The following SLC2A12 variants were observed in gnomAD, a reference collection of about 807,000 sequenced individuals.
The protein encoded by SLC2A12 is solute carrier family 2, facilitated glucose transporter member 12.
A neutral mutation model predicts 41.8 loss-of-function variants in SLC2A12; 23 were observed. The observed-to-expected ratio is 0.55, with a 90% CI of 0.40 to 0.78. The LOEUF (loss-of-function observed/expected upper bound fraction) is 0.78, where lower values mean the gene tolerates loss of function less well. Among genes scored for constraint, SLC2A12 ranks in the 30% least tolerant of loss-of-function variants. SLC2A12 has a pLI of 0.00. For missense variants in SLC2A12, 654 were observed against 745.6 expected, an observed-to-expected ratio of 0.88 and a Z score of 1.43; for synonymous variants, 295 against 285.9, an observed-to-expected ratio of 1.03 and a Z score of -0.32.
intron 2 of SLC2A12, among the ~76,000 whole-genome samples, chr6:134,018,026 C>T (rs1055221866): frequency 6.6e-6 from 1 of 151,988 alleles, no homozygotes; most frequent in Admixed American, 6.6e-5. Flanking sequence ...CTCAAAGCCA[C>T]AATCCGGTCT....
chr6:134,006,950 G>C lies in SLC2A12; in HGVS notation c.1445-16C>G. The C allele has an allele frequency of 6.2e-7, 1 of 1,613,868 alleles. No individual in the cohort carries two copies. The highest frequency in any genetic ancestry group is 8.5e-7 in the Non-Finnish European group (1 of 1,179,852). ...AGCCAGGGCACTAGAAGAAAGGCAA[G>C]AGTGGGTGGCGGACAGCACATTTAG... On this transcript the variant is annotated splice_polypyrimidine_tract_variant and intron_variant, in intron 2 of 4. Coordinates refer to ENST00000275230, the MANE Select transcript of SLC2A12 (RefSeq NM_145176.3).
chr6:134,029,548 C>G lies in SLC2A12; in HGVS notation c.277G>C (p.Ala93Pro), dbSNP rs189104286. 6.2e-7 allele frequency: 1 copy of G among 1,614,138 alleles called. No homozygotes were observed. The highest frequency in any genetic ancestry group is 1.7e-5 in the Admixed American group (1 of 60,010). ...ATCAGGACCCCTCCGGTGAGTGAGG[C>G]AAGGAGGGCTCCAATGACGAGGGAG... ...VSSLVIGALL[A>P]SLTGGVLIDR... Residue 93 changes from alanine to proline, a missense_variant, in exon 2 of 5, where the codon GCC (alanine) becomes CCC (proline). By Grantham distance (27) the Ala-to-Pro change is conservative. Around this residue, in one of 3 missense-constraint regions of SLC2A12, gnomAD observed 109 missense variants for 153.0 expected, o/e 0.71. Coordinates refer to ENST00000275230, the MANE Select transcript of SLC2A12 (RefSeq NM_145176.3).
Position 133,989,294 on chromosome 6 carries a change from G to C in SLC2A12, c.*1861C>G, listed in dbSNP as rs1378149158. The C allele has an allele frequency of 2.0e-5, 3 of 152,142 alleles. No individual in the cohort carries two copies. The highest frequency in any genetic ancestry group is 2.9e-5 in the Non-Finnish European group (2 of 67,992). 9.4% of individuals were successfully genotyped at this position (152,142 alleles called of 1,614,324 possible). On this transcript the variant is annotated 3_prime_UTR_variant, in exon 5 of 5. Transcript: ENST00000275230. ...AAGCTTGATTTGGTGTGGTGCAATG[G>C]ATATTGGATAAAAATTTGAAGACAA... is the stretch of plus-strand genomic sequence containing the variant.
At chr6:134,003,405 G>A (rs561131424) in intron 3 of SLC2A12, among the ~76,000 whole-genome samples, 18 of 152,232 alleles carry the variant, frequency 1.2e-4, no homozygotes, top group East Asian at 1.2e-3. Context: ...TCATCAAATT[G>A]TCCCCAGTTT....
At chr6:134,002,172 A>G (rs1776761588) in intron 3 of SLC2A12, 43 bp from the exon 4 acceptor site, 2 of 1,577,976 alleles carry the variant, frequency 1.3e-6, no homozygotes, top group East Asian at 2.3e-5. Flanking sequence ...TGTTTTGTGT[A>G]GCTTTGATCC....
At chr6:134,019,828 C>T (rs563321721) in intron 2 of SLC2A12, among the ~76,000 whole-genome samples, 3 of 152,242 alleles carry the variant, frequency 2.0e-5, no homozygotes, top group Non-Finnish European at 4.4e-5. Flanking sequence ...TCAAGACCAG[C>T]CTGGCCAATA....
rs1002614539 is a variant in SLC2A12, at chr6:133,990,662, A to T, written c.*493T>A. On this transcript the variant is annotated 3_prime_UTR_variant, in exon 5 of 5. Coordinates refer to ENST00000275230, the MANE Select transcript of SLC2A12 (RefSeq NM_145176.3). ...CAGGACCCTCTCCTAATCTAGATAG[A>T]ATATATGGGCAGTTGTCCACACTGT... 1.3e-5 allele frequency: 2 copies of T among 152,458 alleles called. No homozygotes were observed. The highest frequency in any genetic ancestry group is 2.9e-5 in the Non-Finnish European group (2 of 68,254). 9.4% of individuals were successfully genotyped at this position (152,458 alleles called of 1,614,324 possible).
chr6:134,042,955 A>G (rs1453858373), intron 1 of SLC2A12, among the ~76,000 whole-genome samples: 1 of 146,356 alleles, frequency 6.8e-6, no homozygotes, highest in Non-Finnish European at 1.5e-5. Flanking sequence ...CGACAGAGTA[A>G]CACTCTGTCT....
chr6:134,032,470 A>T (rs1157019844), intron 1 of SLC2A12, among the ~76,000 whole-genome samples: 6 of 50,284 alleles, frequency 1.2e-4, no homozygotes, highest in South Asian at 9.7e-4. Context: ...ATATATTTTT[A>T]TATATATATA....
chr6:134,046,190 A>T (rs1777452703), intron 1 of SLC2A12, among the ~76,000 whole-genome samples: 1 of 152,208 alleles, frequency 6.6e-6, no homozygotes, highest in South Asian at 2.1e-4. Context: ...TGTGTGTGGG[A>T]GCAAGACATT....
intron 2 of SLC2A12, among the ~76,000 whole-genome samples, chr6:134,021,859 G>A (rs890119351): frequency 6.6e-6 from 1 of 152,230 alleles, no homozygotes; most frequent in South Asian, 2.1e-4. Flanking sequence ...AAAAGAGGAA[G>A]GATCTGGATA....
Position 134,028,748 on chromosome 6 carries a change from C to G in SLC2A12, c.1077G>C (p.Val359=), listed in dbSNP as rs1196840696. 1 of 1,614,128 alleles carries G rather than the reference C, an allele frequency of 6.2e-7. No individual in the cohort carries two copies. Among genetic ancestry groups the G allele is most frequent in the Non-Finnish European group, 8.5e-7 (1 of 1,180,018 alleles). ...TGTTGAGATTTACGATGCCCATGGT[C>G]ACCAACGAAGCTGCCATCACAGAGG... The part of the protein sequence containing the change: ...IGSSVMAASL[V]TMGIVNLNIH... Residue 359 remains valine, a synonymous_variant, in exon 2 of 5, where the codon GTG becomes GTC. Transcript: ENST00000275230.
intron 2 of SLC2A12, among the ~76,000 whole-genome samples, chr6:134,024,476 C>T (rs1777087470): frequency 6.6e-6 from 1 of 152,198 alleles, no homozygotes; most frequent in African/African-American, 2.4e-5. Context: ...TTCTCAGCTT[C>T]TCCTACAATT....
chr6:134,029,710 A>T lies in SLC2A12; in HGVS notation c.115T>A (p.Phe39Ile), dbSNP rs779298327. ...GCAGTGACAGATGACAGGAAGGTAAACATGCCGCAGCCTGCAAGCAGAGAG... is the reference window on the plus strand; with the variant it reads ...GCAGTGACAGATGACAGGAAGGTAATCATGCCGCAGCCTGCAAGCAGAGAG... ...HPPWARGCGM[F>I]TFLSSVTAAV... Residue 39 changes from phenylalanine (F) to isoleucine (I), a missense_variant, in exon 2 of 5, where the codon TTT becomes ATT. Phe to Ile is a conservative substitution (Grantham distance 21). This residue lies in a region of SLC2A12 where 109 missense variants were observed against 153.0 expected (regional missense o/e 0.71). Transcript: ENST00000275230. The T allele has an allele frequency of 6.3e-7, 1 of 1,597,990 alleles. No individual in the cohort carries two copies. Among genetic ancestry groups the T allele is most frequent in the South Asian group, 1.1e-5 (1 of 90,714 alleles).
At chr6:134,038,700 C>CTTTTTTTTTTTTTTTTTT (rs200794350) in intron 1 of SLC2A12, among the ~76,000 whole-genome samples, 2 of 82,128 alleles carry the variant, frequency 2.4e-5, no homozygotes, top group Admixed American at 1.3e-4. Flanking sequence ...CCTTTCTTTC[C>CTTTTTTTTTTTTTTTTTT]TTTTTTTTTT....
At chr6:134,037,500 G>A (rs928407888) in intron 1 of SLC2A12, among the ~76,000 whole-genome samples, 16 of 152,070 alleles carry the variant, frequency 1.1e-4, no homozygotes, top group Admixed American at 7.8e-4. Context: ...GACTATAGGC[G>A]TGCACCACCA....
At chr6:134,008,107 C>G (rs1343687726) in intron 2 of SLC2A12, among the ~76,000 whole-genome samples, 1 of 152,196 alleles carries the variant, frequency 6.6e-6, no homozygotes, top group Non-Finnish European at 1.5e-5. Context: ...ATTTATCAAC[C>G]AATTACATAA....
intron 1 of SLC2A12, among the ~76,000 whole-genome samples, chr6:134,031,691 G>C (rs763921268): frequency 9.9e-5 from 15 of 152,130 alleles, no homozygotes; most frequent in Admixed American, 5.9e-4. Flanking sequence ...AAAATCAAAA[G>C]TTTCATTTTG....
intron 4 of SLC2A12, among the ~76,000 whole-genome samples, chr6:133,995,634 C>G (rs79770604): frequency 0.02 from 3,048 of 152,266 alleles, 79 homozygotes; most frequent in African/African-American, 0.066. Context: ...GAAAAAGAGA[C>G]CCAGCACTAG....
Sources: allele counts gnomAD v4.1 joint callset (sites outside exome capture counted in the v4.1 genomes callset), GRCh38; gene constraint gnomAD v4.1.1; regional missense constraint gnomAD v4.1.1; transcripts MANE v1.5; gene names NCBI Gene and HGNC (gene_info 2026-07-23, HGNC 2026-07-21).